Variants in STPG2 observed in about 807,000 individuals in gnomAD.
STPG2 encodes the protein sperm tail PG-rich repeat containing 2, also known as sperm-tail PG-rich repeat-containing protein 2.
A neutral mutation model predicts 54.2 loss-of-function variants in STPG2; 56 were observed. That is an observed-to-expected ratio of 1.03 (90% confidence interval 0.83 to 1.29). The LOEUF (loss-of-function observed/expected upper bound fraction) is 1.29. Ranked by LOEUF, STPG2 falls within the 50% of genes most tolerant of loss-of-function variation. The pLI, the probability that STPG2 is intolerant of heterozygous loss-of-function variation, is 0.00. For synonymous variants in STPG2, 200 were observed against 181.8 expected (o/e 1.10, Z -0.81); for missense variants, 596 against 544.9 (o/e 1.09, Z -0.93).
Position 97,444,954 on chromosome 4 carries a change from G to A in STPG2, c.463-257121C>T, listed in dbSNP as rs377171320. 6.4e-3 allele frequency among the ~76,000 whole-genome samples: 979 copies of A among 152,186 alleles called. 5 individuals are homozygous for A. Among genetic ancestry groups the A allele is most frequent in the South Asian group, 0.021 (102 of 4,820 alleles). ...CAGGAGGCTGAGGCAAGAGAATGGCGTGAACCCAGGAGGCAGAGCTTGCAG... is the reference window on the plus strand; with the variant it reads ...CAGGAGGCTGAGGCAAGAGAATGGCATGAACCCAGGAGGCAGAGCTTGCAG... On this transcript the variant is annotated intron_variant, in intron 4 of 4. Transcript: ENST00000522676.
At chr4:97,714,086 T>C (rs945270938) in intron 9 of STPG2, among the ~76,000 whole-genome samples, 6 of 151,946 alleles carry the variant, frequency 3.9e-5, no homozygotes, top group African/African-American at 1.2e-4. Context: ...CACAGAATAT[T>C]GACAATAAAT....
rs199755322 is a variant in STPG2 at position 97,972,275 on chromosome 4, A to G, written c.933+5T>C. The G allele has an allele frequency of 3.0e-5, 47 of 1,556,742 alleles. No homozygotes were observed. Among genetic ancestry groups the G allele is most frequent in the Non-Finnish European group, 3.9e-5 (45 of 1,149,366 alleles). On this transcript the variant is annotated splice_donor_5th_base_variant and intron_variant, in intron 7 of 10. Coordinates refer to ENST00000295268, the MANE Select transcript of STPG2 (RefSeq NM_174952.3). ...AAGAATATTATTTTTGTATGAATGT[A>G]TTACCTGATAATCAGCAGGTCCAGG...
intron 5 of STPG2, among the ~76,000 whole-genome samples, chr4:98,101,131 A>G (rs1382589947): frequency 6.6e-6 from 1 of 152,154 alleles, no homozygotes; most frequent in Non-Finnish European, 1.5e-5. Flanking sequence ...CTTTGTTCAT[A>G]GCAGCTATTG....
At chr4:97,673,590 A>G (rs536441383) in intron 10 of STPG2, among the ~76,000 whole-genome samples, 4 of 152,166 alleles carry the variant, frequency 2.6e-5, no homozygotes, top group Non-Finnish European at 5.9e-5. Context: ...AAAAGTCTTC[A>G]TTAAATTGTC....
Position 97,834,512 on chromosome 4 carries a change from AATT to A in STPG2, c.1204+6258_1204+6260del, listed in dbSNP as rs557640046. ...CCCCAGAACTTAAAGTATCATAAAA[AATT>A]ATTATTATTCGTGCTGCACTTTATA... On this transcript the variant is annotated intron_variant, in intron 9 of 10. Transcript: ENST00000295268. Among the ~76,000 whole-genome samples, 236 of 152,250 alleles carry A rather than the reference AATT, an allele frequency of 1.6e-3. 1 individual carries two copies. The highest frequency in any genetic ancestry group is 2.7e-3 in the Non-Finnish European group (181 of 68,008).
chr4:98,056,627 A>G (rs1037271842), intron 5 of STPG2, among the ~76,000 whole-genome samples: 9 of 147,102 alleles, frequency 6.1e-5, no homozygotes, highest in Admixed American at 4.1e-4. Flanking sequence ...ATCAAAAAGG[A>G]AAAAAAAAAC....
At chr4:98,059,020 C>A in intron 5 of STPG2, among the ~76,000 whole-genome samples, 1 of 148,756 alleles carries the variant, frequency 6.7e-6, no homozygotes. Flanking sequence ...GAAATCAAGA[C>A]ATGAAAACCC....
chr4:97,862,552 A>G (rs1729593656), intron 8 of STPG2, among the ~76,000 whole-genome samples: 1 of 152,062 alleles, frequency 6.6e-6, no homozygotes, highest in Admixed American at 6.6e-5. Flanking sequence ...CAGAGAGTTA[A>G]TAAGGATATC....
intron 4 of STPG2, among the ~76,000 whole-genome samples, chr4:97,553,002 A>G (rs1731999459): frequency 6.6e-6 from 1 of 152,182 alleles, no homozygotes; most frequent in South Asian, 2.1e-4. Context: ...ACTTGCAATC[A>G]CAAGACTCTT....
chr4:97,448,520 C>T (rs1268665717), intron 4 of STPG2, among the ~76,000 whole-genome samples: 1 of 152,108 alleles, frequency 6.6e-6, no homozygotes, highest in Admixed American at 6.6e-5. Context: ...CTCATGACAT[C>T]TGATGATTTT....
In STPG2 at chr4:98,143,067, T is replaced by G; in HGVS notation, c.84A>C (p.Val28=). The G allele has an allele frequency of 6.2e-7, 1 of 1,613,320 alleles. No homozygotes were observed. Among genetic ancestry groups the G allele is most frequent in the South Asian group, 1.1e-5 (1 of 90,850 alleles). The change falls in exon 1 of 11, where the codon GTA becomes GTC. Residue 28 remains valine (V), a synonymous_variant. Coordinates refer to ENST00000295268, the MANE Select transcript of STPG2 (RefSeq NM_174952.3). ...EAHVGPGSYQ[V]PFLKQQATGS... ...CTGTCGCCTGCTGCTTCAGGAAAGG[T>G]ACCTGGTAGGATCCAGGACCCACAT... is the stretch of plus-strand genomic sequence containing the variant.
Position 98,141,196 on chromosome 4 carries a change from A to G in STPG2, c.109+1846T>C, listed in dbSNP as rs1740272009. Among the ~76,000 whole-genome samples the G allele has an allele frequency of 1.3e-5, 2 of 152,204 alleles. 1 individual carries two copies. The highest frequency in any genetic ancestry group is 4.1e-4 in the South Asian group (2 of 4,830). The stretch of plus-strand genomic sequence containing the variant: ...TCCAATCTGACTCTGGCATAACATT[A>G]TGAGACAAGGAAAAAAAATCAAAAT... On this transcript the variant is annotated intron_variant, in intron 1 of 10. Transcript: ENST00000295268.
chr4:98,113,250 G>A (rs546647157), intron 3 of STPG2, among the ~76,000 whole-genome samples: 1 of 152,142 alleles, frequency 6.6e-6, no homozygotes, highest in South Asian at 2.1e-4. Flanking sequence ...TGGAACAGCA[G>A]CTGTACTCAA....
chr4:97,658,321 T>C (rs777509341), intron 10 of STPG2, among the ~76,000 whole-genome samples: 1 of 152,208 alleles, frequency 6.6e-6, no homozygotes, highest in Non-Finnish European at 1.5e-5. Flanking sequence ...CTAGTAACTT[T>C]ACAACACTAG....
chr4:98,141,942 G>GAGAAA (rs1553945982), intron 1 of STPG2, among the ~76,000 whole-genome samples: 1 of 96,892 alleles, frequency 1.0e-5, no homozygotes, highest in Non-Finnish European at 2.0e-5. Context: ...CAGTAGTTGG[G>GAGAAA]AAAAAAAAAA....
intron 5 of STPG2, among the ~76,000 whole-genome samples, chr4:98,071,509 G>C (rs1256441757): frequency 6.6e-6 from 1 of 152,154 alleles, no homozygotes; most frequent in Non-Finnish European, 1.5e-5. Flanking sequence ...CACAGGCAAA[G>C]ATTTCATGAT....
chr4:97,963,136 G>C, intron 7 of STPG2, among the ~76,000 whole-genome samples: 1 of 151,636 alleles, frequency 6.6e-6, no homozygotes, highest in Non-Finnish European at 1.5e-5. Flanking sequence ...TCCAGCCTGG[G>C]CAACAGAGCA....
chr4:98,088,294 A>G (rs1434712891), intron 5 of STPG2, among the ~76,000 whole-genome samples: 3 of 152,310 alleles, frequency 2.0e-5, no homozygotes, highest in East Asian at 1.9e-4. Flanking sequence ...ATCTCACTCA[A>G]TATAGCCCTA....
intron 10 of STPG2, among the ~76,000 whole-genome samples, chr4:97,665,125 A>G (rs1722484901): frequency 6.6e-6 from 1 of 152,186 alleles, no homozygotes; most frequent in Admixed American, 6.5e-5. Context: ...AGAGGGTGTC[A>G]CAGTGCTGGC....
Sources: allele counts gnomAD v4.1 joint callset (sites outside exome capture counted in the v4.1 genomes callset), GRCh38; gene constraint gnomAD v4.1.1; transcripts MANE v1.5; gene names NCBI Gene and HGNC (gene_info 2026-07-23, HGNC 2026-07-21).